Variants in MAML2 observed in about 807,000 individuals in gnomAD.
MAML2 encodes the protein mastermind-like protein 2.
A neutral mutation model predicts 96.1 loss-of-function variants in MAML2; 22 were observed. The observed-to-expected ratio is 0.23, with a 90% CI of 0.16 to 0.33. The LOEUF is 0.33. Ranked by LOEUF, MAML2 falls within the 10% of genes least tolerant of loss-of-function variation. The pLI, the probability that MAML2 is intolerant of heterozygous loss-of-function variation, is 1.00. For missense variants in MAML2, 1,367 were observed against 1,392.4 expected (o/e 0.98, Z 0.29); for synonymous variants, 561 against 521.3 (o/e 1.08, Z -1.04).
intron 1 of MAML2, among the ~76,000 whole-genome samples, chr11:96,191,701 G>A (rs1861656119): frequency 6.7e-6 from 1 of 148,360 alleles, no homozygotes; most frequent in Non-Finnish European, 1.5e-5. Context: ...GATCCCAGGA[G>A]GCGGAGCTTG....
chr11:96,220,720 A>G (rs1862124098), intron 1 of MAML2, among the ~76,000 whole-genome samples: 1 of 152,212 alleles, frequency 6.6e-6, no homozygotes, highest in Admixed American at 6.5e-5. Flanking sequence ...GGAAAAAAGT[A>G]CAATTTCCTT....
chr11:96,092,587 T>A lies in MAML2; in HGVS notation c.1444A>T (p.Ser482Cys), dbSNP rs748416738. 4.3e-6 allele frequency: 7 copies of A among 1,609,640 alleles called. No individual in the cohort carries two copies. The highest frequency in any genetic ancestry group is 5.9e-6 in the Non-Finnish European group (7 of 1,176,636). Residue 482 changes from serine (S) to cysteine (C), a missense_variant, in exon 2 of 5, where the codon AGC becomes TGC. Ser to Cys is a moderately radical substitution (Grantham distance 112). Transcript: ENST00000524717. The surrounding 1 kb of genome is among the most constrained non-coding windows in gnomAD (Gnocchi z 4.1). ...PGPFGQEKIP[S>C]PSFGQQTFSP... ...AATGTCTGCTGACCAAAAGAAGGGCTGGGGATTTTCTCCTGCCCAAATGGA... is the reference window on the plus strand; with the variant it reads ...AATGTCTGCTGACCAAAAGAAGGGCAGGGGATTTTCTCCTGCCCAAATGGA...
At chr11:96,006,564 T>TG (rs2135723439) in intron 2 of MAML2, among the ~76,000 whole-genome samples, 1 of 117,102 alleles carries the variant, frequency 8.5e-6, no homozygotes, top group East Asian at 3.0e-4. Flanking sequence ...TTTTTTTTTC[T>TG]TTTTTTTTTT....
intron 1 of MAML2, among the ~76,000 whole-genome samples, chr11:96,339,883 T>C (rs1207072067): frequency 6.6e-6 from 1 of 152,128 alleles, no homozygotes; most frequent in Non-Finnish European, 1.5e-5. Flanking sequence ...GAAGCGGGAA[T>C]AGAGCAGGTG....
chr11:96,079,075 T>A (rs1055715348), intron 2 of MAML2, among the ~76,000 whole-genome samples: 2 of 152,130 alleles, frequency 1.3e-5, no homozygotes, highest in African/African-American at 4.8e-5. Context: ...AAAACCAAAA[T>A]TCACCAGAGA....
intron 2 of MAML2, among the ~76,000 whole-genome samples, chr11:96,013,835 T>C (rs1236131009): frequency 1.3e-5 from 2 of 152,172 alleles, no homozygotes; most frequent in Admixed American, 6.5e-5. Flanking sequence ...AATAAAACTT[T>C]GCATTCTTTC....
chr11:96,166,215 A>ACC (rs1555018483), intron 1 of MAML2, among the ~76,000 whole-genome samples: 78 of 145,376 alleles, frequency 5.4e-4, no homozygotes, highest in Non-Finnish European at 6.2e-4. Flanking sequence ...ACACACACAC[A>ACC]CCCCACATTA....
rs759695866 is a variant in MAML2 at position 96,093,207 on chromosome 11, C to T, written c.824G>A (p.Cys275Tyr). 83 of 1,613,918 alleles carry T rather than the reference C, an allele frequency of 5.1e-5. No homozygotes were observed. Among genetic ancestry groups the T allele is most frequent in the Non-Finnish European group, 6.9e-5 (82 of 1,179,908 alleles). The change falls in exon 2 of 5, where the codon TGC becomes TAC. Residue 275 changes from cysteine (C) to tyrosine (Y), a missense_variant. Cys to Tyr is a radical substitution (Grantham distance 194). Transcript: ENST00000524717. ...CATTTGGCCATCCATGTGCTTACTG[C>T]AAGACAGAGTCTCTCCTGGCTCCTT... ...VKKEPGETLS[C>Y]SKHMDGQMTQ...
chr11:96,166,320 A>G (rs529435816), intron 1 of MAML2, among the ~76,000 whole-genome samples: 1 of 152,304 alleles, frequency 6.6e-6, no homozygotes, highest in East Asian at 1.9e-4. Context: ...TTTTCTGCAA[A>G]TAGCCAACTG....
chr11:96,308,841 T>C (rs954467729), intron 1 of MAML2, among the ~76,000 whole-genome samples: 2 of 152,342 alleles, frequency 1.3e-5, no homozygotes, highest in African/African-American at 4.8e-5. Flanking sequence ...CCTCATGTCT[T>C]ACACACAATG....
chr11:96,302,686 T>C (rs1433721810), intron 1 of MAML2, among the ~76,000 whole-genome samples: 1 of 152,188 alleles, frequency 6.6e-6, no homozygotes, highest in Non-Finnish European at 1.5e-5. Flanking sequence ...TTTCAGACTT[T>C]TCTTGGGTTG....
At chr11:96,243,906 G>A (rs760739062) in intron 1 of MAML2, among the ~76,000 whole-genome samples, 1 of 152,188 alleles carries the variant, frequency 6.6e-6, no homozygotes, top group African/African-American at 2.4e-5. Context: ...CTCCCAAAGT[G>A]CTGGGATTAC....
intron 1 of MAML2, among the ~76,000 whole-genome samples, chr11:96,184,858 T>C (rs1861548363): frequency 6.6e-6 from 1 of 152,144 alleles, no homozygotes; most frequent in Admixed American, 6.5e-5. Context: ...CCTCCCAAAG[T>C]GCTGGGATTA....
rs773696385 is a variant in MAML2, at chr11:95,979,703, GGTT to G, written c.2713_2715del (p.Asn905del). On this transcript the variant is annotated inframe_deletion, in exon 5 of 5. Coordinates refer to ENST00000524717, the MANE Select transcript of MAML2 (RefSeq NM_032427.4). ...AAGGTAGGTGGCCGTGGCATCATAGGGTTGTTTTGATTTGCTAACAATTGCTTT... is the reference window on the plus strand; with the variant it reads ...AAGGTAGGTGGCCGTGGCATCATAGGGTTTTGATTTGCTAACAATTGCTTT... The G allele has an allele frequency of 1.9e-6, 3 of 1,613,892 alleles. No individual in the cohort carries two copies. The highest frequency in any genetic ancestry group is 2.5e-6 in the Non-Finnish European group (3 of 1,179,858).
chr11:96,286,339 G>A (rs1255807810), intron 1 of MAML2, among the ~76,000 whole-genome samples: 4 of 152,186 alleles, frequency 2.6e-5, no homozygotes. Context: ...AGCAGGGGGA[G>A]GGAGAGCATC....
chr11:95,996,383 T>C (rs959754984), intron 2 of MAML2, among the ~76,000 whole-genome samples: 15 of 152,270 alleles, frequency 9.9e-5, no homozygotes, highest in African/African-American at 3.6e-4. Context: ...TCTCTTTCTC[T>C]CTCTAATCAA....
chr11:96,106,862 AAT>A (rs1318375621), intron 1 of MAML2, among the ~76,000 whole-genome samples: 1 of 151,970 alleles, frequency 6.6e-6, no homozygotes, highest in Non-Finnish European at 1.5e-5. Context: ...CCTCATGATT[AAT>A]ATCTTGTATC....
intron 1 of MAML2, among the ~76,000 whole-genome samples, chr11:96,155,654 T>C (rs1056937495): frequency 2.0e-5 from 3 of 150,566 alleles, no homozygotes; most frequent in African/African-American, 7.4e-5. Flanking sequence ...TGCTCAGTGA[T>C]GAATGCTTAC....
rs185273302 is a variant in MAML2, at chr11:96,338,172, A to G, written c.513+3211T>C. ...CAGAAGCTCTAAACCTTACTGTTCC[A>G]TGGACCAGCAATTATTCAGTTTCAC... On this transcript the variant is annotated intron_variant, in intron 1 of 4. Coordinates refer to ENST00000524717, the MANE Select transcript of MAML2 (RefSeq NM_032427.4). Among the ~76,000 whole-genome samples, 224 of 152,376 alleles carry G rather than the reference A, an allele frequency of 1.5e-3. 1 individual carries two copies. Among genetic ancestry groups the G allele is most frequent in the African/African-American group, 5.1e-3 (213 of 41,584 alleles).
Sources: allele counts gnomAD v4.1 joint callset (sites outside exome capture counted in the v4.1 genomes callset), GRCh38; gene constraint gnomAD v4.1.1; non-coding constraint Gnocchi (gnomAD v3.1); transcripts MANE v1.5; gene names NCBI Gene and HGNC (gene_info 2026-07-23, HGNC 2026-07-21).